The following ZNF469 variants were observed in gnomAD, a reference collection of about 807,000 sequenced individuals.
ZNF469 encodes zinc finger protein 469.
A neutral mutation model predicts 1.0 loss-of-function variants in ZNF469; 1 was observed. That is an observed-to-expected ratio of 1.00 (90% CI 0.35 to 4.73). The LOEUF is 4.73. ZNF469 is among the 30% of genes most tolerant of loss of function. ZNF469 has a pLI of 0.16. For missense variants in ZNF469, 6,100 were observed against 5,356.3 expected (o/e 1.14, Z -4.33); for synonymous variants, 2,703 against 2,363.4 (o/e 1.14, Z -4.17).
the ZNF469 span, among the ~76,000 whole-genome samples, chr16:88,155,857 C>T: frequency 1.3e-4 from 20 of 152,304 alleles, no homozygotes; most frequent in Non-Finnish European, 2.5e-4. Flanking sequence ...TGCACCATGA[C>T]GTTCCCACTA....
At chr16:88,136,514 G>T in the ZNF469 span, among the ~76,000 whole-genome samples, 1 of 152,268 alleles carries the variant, frequency 6.6e-6, no homozygotes, top group East Asian at 1.9e-4. Context: ...CCATTTAGAT[G>T]CATGAGTTGT....
At chr16:88,263,176 A>G in the ZNF469 span, among the ~76,000 whole-genome samples, 1 of 152,184 alleles carries the variant, frequency 6.6e-6, no homozygotes, top group South Asian at 2.1e-4. Context: ...GGGTTTACGG[A>G]GACTCAGGTT....
At chr16:88,239,715 A>ATTTTTTT in the ZNF469 span, among the ~76,000 whole-genome samples, 1 of 6,786 alleles carries the variant, frequency 1.5e-4, no homozygotes, top group African/African-American at 6.8e-4. Flanking sequence ...ATATATATAT[A>ATTTTTTT]TTTTTTTTTT....
intron 1 of ZNF469, among the ~76,000 whole-genome samples, chr16:88,407,235 G>C (rs1318840939): frequency 9.5e-6 from 1 of 104,842 alleles, no homozygotes; most frequent in African/African-American, 4.3e-5. Flanking sequence ...GGGAGCTCCT[G>C]CGTCACTGGG....
chr16:88,277,774 C>T, the ZNF469 span, among the ~76,000 whole-genome samples: 5 of 45,376 alleles, frequency 1.1e-4, no homozygotes, highest in Admixed American at 2.4e-4. Flanking sequence ...CGGTCAGTAC[C>T]GTGTAGATAT....
At chr16:88,230,251 G>C in the ZNF469 span, among the ~76,000 whole-genome samples, 32 of 152,338 alleles carry the variant, frequency 2.1e-4, no homozygotes, top group African/African-American at 7.5e-4. Context: ...CCTTCAGCTG[G>C]AGCCTGGAAA....
chr16:88,405,285 G>GT (rs142304001), intron 1 of ZNF469, among the ~76,000 whole-genome samples: 39,463 of 152,080 alleles, frequency 0.26, 5,252 homozygotes, highest in South Asian at 0.28. Context: ...TGGCACACGG[G>GT]TAGCCCCTGG....
the ZNF469 span, among the ~76,000 whole-genome samples, chr16:88,335,039 T>C: frequency 2.8e-4 from 42 of 152,174 alleles, no homozygotes; most frequent in Non-Finnish European, 2.6e-4. Context: ...AGGGGAGCCA[T>C]GCAGCCACTG....
chr16:88,395,402 TAGAA>T (rs10588957), intron 1 of ZNF469, among the ~76,000 whole-genome samples: 38,482 of 151,450 alleles, frequency 0.25, 5,480 homozygotes, highest in African/African-American at 0.39. Context: ...GGTAGGTAGA[TAGAA>T]AGATACACAC....
chr16:88,225,213 T>C, the ZNF469 span, among the ~76,000 whole-genome samples: 1 of 152,254 alleles, frequency 6.6e-6, no homozygotes. Context: ...AGTGGCTGTC[T>C]TTGAGTTTCC....
chr16:88,348,250 C>T, the ZNF469 span, among the ~76,000 whole-genome samples: 2 of 152,184 alleles, frequency 1.3e-5, no homozygotes, highest in African/African-American at 4.8e-5. Context: ...CTGGTGGCTG[C>T]GGGAGCTCCC....
At chr16:88,338,782 G>A in the ZNF469 span, among the ~76,000 whole-genome samples, 3 of 152,174 alleles carry the variant, frequency 2.0e-5, no homozygotes, top group Non-Finnish European at 4.4e-5. Context: ...AGGCTGTGGC[G>A]ATACAGGCAC....
At chr16:88,260,279 G>A in the ZNF469 span, among the ~76,000 whole-genome samples, 239 of 152,240 alleles carry the variant, frequency 1.6e-3, 1 homozygote, top group Middle Eastern at 6.8e-3. This position sits in a 1 kb window ranked among gnomAD's most constrained non-coding sequence, Gnocchi z 4.1. Context: ...GCGAGCCACC[G>A]TGCCCAGCCA....
chr16:88,219,399 T>C, the ZNF469 span, among the ~76,000 whole-genome samples: 1 of 131,992 alleles, frequency 7.6e-6, no homozygotes, highest in African/African-American at 2.9e-5. Context: ...CAAAACAGCA[T>C]GGTACTGGTA....
the ZNF469 span, among the ~76,000 whole-genome samples, chr16:88,325,674 C>A: frequency 6.6e-6 from 1 of 152,224 alleles, no homozygotes; most frequent in African/African-American, 2.4e-5. Flanking sequence ...GCCTGTGAGA[C>A]CCCCTAAGGG....
the ZNF469 span, among the ~76,000 whole-genome samples, chr16:88,329,227 G>A: frequency 2.0e-5 from 3 of 152,158 alleles, no homozygotes; most frequent in African/African-American, 7.2e-5. Flanking sequence ...AGGTGGTGAA[G>A]GGGCTCCAGG....
At chr16:88,141,413 C>T in the ZNF469 span, among the ~76,000 whole-genome samples, 4 of 143,632 alleles carry the variant, frequency 2.8e-5, no homozygotes, top group East Asian at 8.3e-4. Flanking sequence ...AAATGCTCAG[C>T]CTGGGAAAGA....
chr16:88,397,353 T>C (rs766403733), intron 1 of ZNF469, among the ~76,000 whole-genome samples: 3 of 152,188 alleles, frequency 2.0e-5, no homozygotes, highest in Non-Finnish European at 2.9e-5. Flanking sequence ...CACTCGGGGC[T>C]TGTGGCCTGG....
chr16:88,367,961 C>A, the ZNF469 span, among the ~76,000 whole-genome samples: 1 of 152,200 alleles, frequency 6.6e-6, no homozygotes, highest in East Asian at 1.9e-4. Flanking sequence ...GCATTCTTAT[C>A]CTAATGCCCG....
Sources: gnomAD v4.1 joint callset for allele counts (sites outside exome capture counted in the v4.1 genomes callset) on GRCh38, gnomAD v4.1.1 for gene constraint, Gnocchi (gnomAD v3.1) non-coding constraint, MANE v1.5 for transcripts, NCBI Gene and HGNC (gene_info 2026-07-23, HGNC 2026-07-21) for gene names.